Variants in MAP4K4 observed in about 807,000 individuals in gnomAD.
MAP4K4 encodes the protein HPK/GCK-like kinase HGK.
Under a neutral mutation model 189.6 loss-of-function variants are expected in MAP4K4, and 38 were observed. The ratio of observed to expected loss-of-function variants is 0.20; its 90% CI spans 0.15 to 0.26. MAP4K4 has a LOEUF of 0.26. MAP4K4 is among the 10% of genes least tolerant of loss of function. MAP4K4 has a pLI of 1.00. For missense variants in MAP4K4, 1,054 were observed against 1,726.9 expected (o/e 0.61, Z 6.91); for synonymous variants, 610 against 624.3 (o/e 0.98, Z 0.34).
At chr2:101,872,579 A>G (rs1559286049) in intron 24 of MAP4K4, among the ~76,000 whole-genome samples, 2 of 152,168 alleles carry the variant, frequency 1.3e-5, no homozygotes, top group Admixed American at 6.5e-5. Flanking sequence ...GGTTAGAAAG[A>G]ATCAGAAAAA....
intron 2 of MAP4K4, among the ~76,000 whole-genome samples, chr2:101,708,727 CTT>C (rs2043767675): frequency 6.6e-6 from 1 of 152,180 alleles, no homozygotes; most frequent in Admixed American, 6.5e-5. Flanking sequence ...TATTGGAACA[CTT>C]TGATCATGCC....
At position 101,887,940 on chromosome 2, in the gene MAP4K4, A is replaced by G; in HGVS notation, c.3931+3A>G. ...GGGAGAGATGCCTACATCAGTAGGT[A>G]TGGAGAACTTGGGGAAAGGCAGCAT... On this transcript the variant is annotated splice_donor_region_variant and intron_variant, in intron 31 of 32. Coordinates refer to ENST00000324219, the Ensembl canonical transcript of MAP4K4. 6.3e-7 allele frequency: 1 copy of G among 1,581,370 alleles called. No homozygotes were observed. Among genetic ancestry groups the G allele is most frequent in the African/African-American group, 1.4e-5 (1 of 73,698 alleles).
chr2:101,707,912 G>C (rs1364565346), intron 2 of MAP4K4, among the ~76,000 whole-genome samples: 1 of 150,922 alleles, frequency 6.6e-6, no homozygotes, highest in Non-Finnish European at 1.5e-5. Flanking sequence ...GTGTTAGCCA[G>C]GATAGTCTCT....
intron 2 of MAP4K4, among the ~76,000 whole-genome samples, chr2:101,716,833 CT>C (rs2048703974): frequency 6.6e-6 from 1 of 152,130 alleles, no homozygotes; most frequent in African/African-American, 2.4e-5. Flanking sequence ...GCACCCTGGC[CT>C]TTTGTTTCCC....
intron 2 of MAP4K4, among the ~76,000 whole-genome samples, chr2:101,721,584 C>T (rs888692566): frequency 2.6e-5 from 4 of 152,016 alleles, no homozygotes; most frequent in South Asian, 2.1e-4. Context: ...TACAGGCTCA[C>T]GCCACCATGC....
intron 24 of MAP4K4, 36 bp from the exon 25 acceptor site, chr2:101,873,611 C>G (rs1381784641): frequency 3.7e-6 from 4 of 1,074,920 alleles, no homozygotes; most frequent in Non-Finnish European, 5.7e-6. Context: ...TTTTAAAATG[C>G]CAGTTGTATT....
At position 101,704,565 on chromosome 2, in the gene MAP4K4, A is replaced by ATTTTTT. The variant is rs1559014076; in HGVS notation, c.123+6028_123+6029insTTTTTT. ...TGTATATATATATATATATATATAT[A>ATTTTTT]TATTTTTTTTTTTTTTTTTTTTTTT... On this transcript the variant is annotated intron_variant, in intron 2 of 32. Transcript: ENST00000324219. 3.0e-3 allele frequency among the ~76,000 whole-genome samples: 123 copies of ATTTTTT among 40,334 alleles called. 2 individuals are homozygous for ATTTTTT. The highest frequency in any genetic ancestry group is 4.4e-3 in the African/African-American group (22 of 4,950). The allele number at this position is 40,334 out of a possible 152,430, so 26.5% of individuals were successfully genotyped here.
rs1336813410 is a variant in MAP4K4, at chr2:101,859,597, C to T, written c.1483-46C>T. 4 of 1,370,756 alleles carry T rather than the reference C, an allele frequency of 2.9e-6. No individual in the cohort carries two copies. In the African/African-American group the frequency reaches 5.8e-5, roughly 20 times the overall value. The allele number at this position is 1,370,756 out of a possible 1,614,324, so 84.9% of individuals were successfully genotyped here. A position where few individuals can be genotyped will look rare whatever the true frequency, so the allele number is the denominator to read the frequency against. ...CGAACAAATCCAGAGAAGAGGCGAG[C>T]TCTCCAGTGTCCCATAGATTTAGTG... On this transcript the variant is annotated intron_variant, in intron 14 of 32. Transcript: ENST00000324219.
intron 2 of MAP4K4, among the ~76,000 whole-genome samples, chr2:101,731,484 G>A (rs983527565): frequency 2.0e-5 from 3 of 151,962 alleles, no homozygotes; most frequent in Non-Finnish European, 4.4e-5. Context: ...ATGGGCTGGG[G>A]GTGGTGGCTC....
chr2:101,888,962 T>C (rs1014049923), intron 32 of MAP4K4, 27 bp downstream of exon 32: 1 of 1,585,692 alleles, frequency 6.3e-7, no homozygotes, highest in Non-Finnish European at 8.6e-7. Context: ...GGATTCTTTT[T>C]AGTTGCTCTA....
In MAP4K4 at chr2:101,739,631, G is replaced by T. The variant is rs376729062; in HGVS notation, c.123+41093G>T. ...TTTTGAATTCTATTGACTAAATAAA[G>T]AATTAAAAAACCCCTATCCTTAACT... On this transcript the variant is annotated intron_variant, in intron 2 of 32. Coordinates refer to ENST00000324219, the Ensembl canonical transcript of MAP4K4. 1.6e-4 allele frequency among the ~76,000 whole-genome samples: 24 copies of T among 152,140 alleles called. No individual in the cohort carries two copies. The East Asian group carries it at 4.4e-3, about 28-fold the overall frequency.
chr2:101,845,547 A>G (rs865848817), intron 12 of MAP4K4, among the ~76,000 whole-genome samples: 3 of 152,338 alleles, frequency 2.0e-5, no homozygotes, highest in Middle Eastern at 6.8e-3. Context: ...CTTCTAGGCT[A>G]CAAACCTGTA....
chr2:101,772,244 T>C (rs2081843444), intron 2 of MAP4K4, among the ~76,000 whole-genome samples: 1 of 152,236 alleles, frequency 6.6e-6, no homozygotes, highest in Non-Finnish European at 1.5e-5. Flanking sequence ...AATTCCTTGG[T>C]TCTTATTTCC....
At position 101,758,958 on chromosome 2, in the gene MAP4K4, C is replaced by T. The variant is rs1404934158; in HGVS notation, c.124-31762C>T. On this transcript the variant is annotated intron_variant, in intron 2 of 32. Coordinates refer to ENST00000324219, the Ensembl canonical transcript of MAP4K4. The stretch of plus-strand genomic sequence containing the variant: ...ACCATCCTGGCTAACATGGTGAAAC[C>T]GCGTCTCTACTAAAAATACAAAAAA... Among the ~76,000 whole-genome samples the T allele has an allele frequency of 4.0e-5, 6 of 151,680 alleles. No homozygotes were observed. In the East Asian group the frequency reaches 9.7e-4, roughly 25 times the overall value.
At chr2:101,883,407 C>T (rs1008082694) in intron 28 of MAP4K4, among the ~76,000 whole-genome samples, 1 of 152,118 alleles carries the variant, frequency 6.6e-6, no homozygotes, top group South Asian at 2.1e-4. Flanking sequence ...TCTCAGCTCA[C>T]TGCAACCTCC....
At chr2:101,734,122 G>A (rs1191862512) in intron 2 of MAP4K4, among the ~76,000 whole-genome samples, 2 of 152,096 alleles carry the variant, frequency 1.3e-5, no homozygotes, top group African/African-American at 4.8e-5. Context: ...AATCCCATGA[G>A]TGAGTTGATT....
intron 2 of MAP4K4, among the ~76,000 whole-genome samples, chr2:101,744,950 A>C (rs1169662098): frequency 6.6e-6 from 1 of 152,128 alleles, no homozygotes; most frequent in Admixed American, 6.5e-5. Flanking sequence ...TAAGTGTTGA[A>C]GGTACTTTTG....
chr2:101,858,598 A>G (rs1429816351), intron 13 of MAP4K4, among the ~76,000 whole-genome samples: 14 of 148,326 alleles, frequency 9.4e-5, no homozygotes, highest in Non-Finnish European at 5.9e-5. Flanking sequence ...TGCTTGTTAC[A>G]AATAATGACT....
chr2:101,760,682 G>A (rs2150161504), intron 2 of MAP4K4, among the ~76,000 whole-genome samples: 1 of 152,066 alleles, frequency 6.6e-6, no homozygotes, highest in East Asian at 1.9e-4. Context: ...GAGAGGCAGA[G>A]GTAAAATACT....
Sources: allele counts gnomAD v4.1 joint callset (sites outside exome capture counted in the v4.1 genomes callset), GRCh38; gene constraint gnomAD v4.1.1; transcripts MANE v1.5; gene names NCBI Gene and HGNC (gene_info 2026-07-23, HGNC 2026-07-21).